Variants in PRPSAP2 observed in about 807,000 individuals in gnomAD.
PRPSAP2 encodes phosphoribosyl pyrophosphate synthase-associated protein 2.
Under a neutral mutation model 40.6 loss-of-function variants are expected in PRPSAP2, and 24 were observed. The observed-to-expected ratio is 0.59, with a 90% CI of 0.43 to 0.83. PRPSAP2 has a LOEUF of 0.83. Ranked by LOEUF, PRPSAP2 falls within the 40% of genes least tolerant of loss-of-function variation. The pLI, the probability that PRPSAP2 is intolerant of heterozygous loss-of-function variation, is 0.00. For synonymous variants in PRPSAP2, 149 were observed against 164.7 expected, an observed-to-expected ratio of 0.90 and a Z score of 0.73; for missense variants, 292 against 465.6, an observed-to-expected ratio of 0.63 and a Z score of 3.43.
chr17:18,880,455 G>A (rs1173038494), intron 6 of PRPSAP2, among the ~76,000 whole-genome samples: 2 of 152,216 alleles, frequency 1.3e-5, no homozygotes, highest in African/African-American at 4.8e-5. Flanking sequence ...CTGGGGTGCA[G>A]TGGTGTGATC....
chr17:18,928,784 C>G (rs760575856), intron 10 of PRPSAP2, 27 bp from the exon 11 acceptor site: 1 of 1,611,816 alleles, frequency 6.2e-7, no homozygotes, highest in East Asian at 2.2e-5. Flanking sequence ...TGCTCATATA[C>G]ATTCTTTTCC....
rs1460833022 is a variant in PRPSAP2 at position 18,878,653 on chromosome 17, G to A, written c.412+783G>A. 3.3e-5 allele frequency among the ~76,000 whole-genome samples: 5 copies of A among 152,158 alleles called. No homozygotes were observed. The East Asian group carries it at 7.7e-4, about 24-fold the overall frequency. On this transcript the variant is annotated intron_variant, in intron 6 of 11. Transcript: ENST00000268835. ...GCTCACCACAACCTCCACCTCCCCG[G>A]TTCAAGCGATTCTCCTGCCTCAGCC...
intron 8 of PRPSAP2, chr17:18,908,650 G>A (rs550810811): frequency 3.9e-5 from 28 of 719,752 alleles, no homozygotes; most frequent in East Asian, 2.9e-4. Context: ...CGCCGACTTC[G>A]CCAACGAGTG....
At chr17:18,867,798 C>T (rs986538848) in intron 4 of PRPSAP2, among the ~76,000 whole-genome samples, 8 of 152,142 alleles carry the variant, frequency 5.3e-5, no homozygotes, top group African/African-American at 1.9e-4. Context: ...CTAATTGATA[C>T]ATGTCATTAC....
At chr17:18,925,329 CTT>C (rs2041914437) in intron 10 of PRPSAP2, among the ~76,000 whole-genome samples, 1 of 152,220 alleles carries the variant, frequency 6.6e-6, no homozygotes, top group African/African-American at 2.4e-5. Flanking sequence ...ACCCTGGTCT[CTT>C]TGCCTCAGAG....
chr17:18,909,510 C>G (rs1567731297), intron 8 of PRPSAP2, among the ~76,000 whole-genome samples: 1 of 151,982 alleles, frequency 6.6e-6, no homozygotes. Flanking sequence ...TCCCAAAGTG[C>G]TGGGATTACA....
At position 18,911,319 on chromosome 17, in the gene PRPSAP2, G is replaced by T; in HGVS notation, c.733+68G>T. 1.2e-5 allele frequency: 16 copies of T among 1,388,234 alleles called. No individual in the cohort carries two copies. The highest frequency in any genetic ancestry group is 1.1e-4 in the South Asian group (6 of 55,164). 86.0% of individuals were successfully genotyped at this position (1,388,234 alleles called of 1,614,324 possible). ...AGGCTGACTACACTGTTGTCTGTGT[G>T]GTTTTTTTCCTCATTCTTCGTTTTT... is the stretch of plus-strand genomic sequence containing the variant. On this transcript the variant is annotated intron_variant, in intron 9 of 11. Transcript: ENST00000268835. The surrounding 1 kb of genome is among the most constrained non-coding windows in gnomAD (Gnocchi z 4.5).
In PRPSAP2 at chr17:18,906,218, GTTTGTTTGTTTA is replaced by G. The variant is rs540980720; in HGVS notation, c.585-4880_585-4869del. 6.7e-3 allele frequency among the ~76,000 whole-genome samples: 1,020 copies of G among 152,106 alleles called. 8 individuals carry two copies. The highest frequency in any genetic ancestry group is 0.023 in the African/African-American group (968 of 41,508). On this transcript the variant is annotated intron_variant, in intron 8 of 11. Coordinates refer to ENST00000268835, the MANE Select transcript of PRPSAP2 (RefSeq NM_002767.4). ...TGTGTCTGAGATTGTTTGTTTGTTTGTTTGTTTGTTTATTTGAGACAGGGTCTTTCTCTGTTG... is the reference window on the plus strand; with the variant it reads ...TGTGTCTGAGATTGTTTGTTTGTTTGTTTGAGACAGGGTCTTTCTCTGTTG...
intron 8 of PRPSAP2, among the ~76,000 whole-genome samples, chr17:18,903,033 C>G (rs1950995862): frequency 2.0e-5 from 3 of 152,136 alleles, no homozygotes; most frequent in Admixed American, 2.0e-4. Flanking sequence ...CTCATGTGCT[C>G]TTTGACTGGT....
intron 9 of PRPSAP2, among the ~76,000 whole-genome samples, chr17:18,923,322 G>C (rs1260798053): frequency 2.1e-5 from 3 of 145,664 alleles, no homozygotes; most frequent in Non-Finnish European, 4.5e-5. Flanking sequence ...TAGCCAGGAA[G>C]GTCCCGATCT....
Position 18,885,429 on chromosome 17 carries a change from A to AAAAAAAAAAT in PRPSAP2, c.528+2746_528+2747insAAAAAAAAAT, listed in dbSNP as rs59891086. ...AAAAAAAAAAAAAAAAAAAAAAAAA[A>AAAAAAAAAAT]TTAATATGTGGGAACTCAGTGTTAA... On this transcript the variant is annotated intron_variant, in intron 7 of 11. Transcript: ENST00000268835. Among the ~76,000 whole-genome samples the AAAAAAAAAAT allele has an allele frequency of 4.3e-4, 47 of 109,304 alleles. 5 individuals carry two copies. Among genetic ancestry groups the AAAAAAAAAAT allele is most frequent in the Non-Finnish European group, 6.3e-4 (34 of 53,720 alleles). 71.7% of individuals were successfully genotyped at this position (109,304 alleles called of 152,430 possible).
At chr17:18,869,280 G>A (rs575645854) in intron 4 of PRPSAP2, among the ~76,000 whole-genome samples, 3 of 152,052 alleles carry the variant, frequency 2.0e-5, no homozygotes, top group East Asian at 3.9e-4. Flanking sequence ...TGTTAGGTAC[G>A]AGGTCCAGTT....
At position 18,876,856 on chromosome 17, in the gene PRPSAP2, A is replaced by C. The variant is rs549648839; in HGVS notation, c.240-842A>C. ...TGGGAACGCCTAGAGCAAGCCCCTT[A>C]GCGGTGTGAGCTGCTGTGGGAGGAC... On this transcript the variant is annotated intron_variant, in intron 5 of 11. Coordinates refer to ENST00000268835, the MANE Select transcript of PRPSAP2 (RefSeq NM_002767.4). Among the ~76,000 whole-genome samples the C allele has an allele frequency of 6.6e-5, 10 of 152,274 alleles. No homozygotes were observed. In the East Asian group the frequency reaches 1.9e-3, roughly 29 times the overall value.
At chr17:18,864,621 T>C (rs1485836679) in intron 1 of PRPSAP2, among the ~76,000 whole-genome samples, 1 of 152,006 alleles carries the variant, frequency 6.6e-6, no homozygotes, top group Non-Finnish European at 1.5e-5. Context: ...GAGGATGTGT[T>C]TGTGTTTTAC....
chr17:18,915,605 G>A (rs1319907001), intron 9 of PRPSAP2, among the ~76,000 whole-genome samples: 3 of 152,102 alleles, frequency 2.0e-5, no homozygotes, highest in African/African-American at 4.8e-5. Flanking sequence ...GTGAGCAGGC[G>A]GGTGCAGAGA....
intron 5 of PRPSAP2, among the ~76,000 whole-genome samples, chr17:18,876,129 G>A (rs913147716): frequency 6.6e-6 from 1 of 152,142 alleles, no homozygotes; most frequent in African/African-American, 2.4e-5. Flanking sequence ...GCAGAACTCC[G>A]TCTCAAAAAC....
At chr17:18,885,797 G>A (rs2039099290) in intron 7 of PRPSAP2, among the ~76,000 whole-genome samples, 1 of 152,114 alleles carries the variant, frequency 6.6e-6, no homozygotes, top group Non-Finnish European at 1.5e-5. Context: ...TTGTTGGTCA[G>A]GCTGGTCTCG....
intron 1 of PRPSAP2, among the ~76,000 whole-genome samples, chr17:18,863,831 C>CTTT (rs34770102): frequency 0.13 from 11,418 of 85,608 alleles, 754 homozygotes; most frequent in Middle Eastern, 0.17. Context: ...ACTGCGTGGC[C>CTTT]TTTTTTTTTT....
At chr17:18,916,612 C>G (rs1374473363) in intron 9 of PRPSAP2, among the ~76,000 whole-genome samples, 4 of 152,000 alleles carry the variant, frequency 2.6e-5, no homozygotes, top group Admixed American at 6.6e-5. Context: ...GAACCCCTGA[C>G]TTCAGGTGAT....
Sources: gnomAD v4.1 joint callset for allele counts (sites outside exome capture counted in the v4.1 genomes callset) on GRCh38, gnomAD v4.1.1 for gene constraint, Gnocchi (gnomAD v3.1) non-coding constraint, MANE v1.5 for transcripts, NCBI Gene and HGNC (gene_info 2026-07-23, HGNC 2026-07-21) for gene names.